Variants in CAST observed in about 807,000 individuals in gnomAD.
CAST encodes calpastatin, also known as MIR583 host.
CAST carries 76 observed loss-of-function variants against 119.6 expected under a neutral mutation model. That is an observed-to-expected ratio of 0.64 (90% CI 0.53 to 0.77). CAST has a LOEUF of 0.77. Among genes scored for constraint, CAST ranks in the 30% least tolerant of loss-of-function variants. The probability of loss-of-function intolerance (pLI) is 0.00; values close to 1 mark genes in which losing one functional copy is unlikely to be tolerated. For synonymous variants in CAST, 319 were observed against 331.6 expected (o/e 0.96, Z 0.41); for missense variants, 953 against 946.5 (o/e 1.01, Z -0.09).
At chr5:96,665,318 C>T (rs1233688381) in intron 1 of CAST, among the ~76,000 whole-genome samples, 1 of 152,196 alleles carries the variant, frequency 6.6e-6, no homozygotes, top group Non-Finnish European at 1.5e-5. Context: ...CCTACTATAT[C>T]CCACATATTA....
the CAST span, among the ~76,000 whole-genome samples, chr5:96,489,060 T>C: frequency 6.6e-6 from 1 of 152,226 alleles, no homozygotes; most frequent in Non-Finnish European, 1.5e-5. Flanking sequence ...TCAGAAGAAC[T>C]TGTTACTAGT....
the CAST span, among the ~76,000 whole-genome samples, chr5:96,367,625 G>T: frequency 1.4e-3 from 210 of 152,062 alleles, 4 homozygotes; most frequent in African/African-American, 4.6e-3. Flanking sequence ...CTCCGTGCCA[G>T]GCGCGGGATA....
At chr5:96,711,648 A>G (rs1756181368) in intron 3 of CAST, among the ~76,000 whole-genome samples, 1 of 152,186 alleles carries the variant, frequency 6.6e-6, no homozygotes, top group Non-Finnish European at 1.5e-5. Context: ...AAATAGCAAG[A>G]TTCTATTTGA....
At chr5:96,456,485 G>A in the CAST span, among the ~76,000 whole-genome samples, 1 of 152,030 alleles carries the variant, frequency 6.6e-6, no homozygotes, top group Non-Finnish European at 1.5e-5. Context: ...AAATCTAGAT[G>A]GTTTAACATT....
chr5:96,422,163 CCAGCATTCAATTCT>C, the CAST span, among the ~76,000 whole-genome samples: 3,727 of 152,114 alleles, frequency 0.025, 145 homozygotes, highest in African/African-American at 0.085. Context: ...GCCAGGTGAG[CCAGCATTCAATTCT>C]CAGTGAATGT....
In CAST at chr5:96,765,315, ATAAAG is replaced by A; in HGVS notation, c.2033_2037del (p.Val678GlyfsTer4). ...CCAGATGAGAACAAACCAATGGAAG[ATAAAG>A]TAAAGGTAAAAAAAAAAAAAAAAAA... On this transcript the variant is annotated frameshift_variant, in exon 26 of 32. Coordinates refer to ENST00000675179, the MANE Select transcript of CAST (RefSeq NM_001750.7). LOFTEE classifies it high-confidence loss of function. 1.5e-6 allele frequency: 2 copies of A among 1,300,418 alleles called. No individual in the cohort carries two copies. Among genetic ancestry groups the A allele is most frequent in the Non-Finnish European group, 1.1e-6 (1 of 918,960 alleles). 80.6% of individuals were successfully genotyped at this position (1,300,418 alleles called of 1,614,324 possible).
At chr5:96,642,301 AT>A (rs1288399584) in intron 1 of CAST, among the ~76,000 whole-genome samples, 10 of 152,316 alleles carry the variant, frequency 6.6e-5, no homozygotes, top group African/African-American at 2.4e-4. Context: ...ATGGTACATA[AT>A]ATGTCCTCAA....
At chr5:96,479,686 G>T in the CAST span, among the ~76,000 whole-genome samples, 1 of 152,030 alleles carries the variant, frequency 6.6e-6, no homozygotes, top group Admixed American at 6.6e-5. Flanking sequence ...TTGGCCTCGC[G>T]ATCTGCCCTC....
rs182980696 is a variant in CAST, at chr5:96,557,708, G to A, written c.60+27828G>A. Reference sequence around the variant, plus strand: ...AGGAGCACCCAGATTCATAAACCAAGTCCTTAGAGACCTACAAAGAAACTT... The same window carrying A: ...AGGAGCACCCAGATTCATAAACCAAATCCTTAGAGACCTACAAAGAAACTT... On this transcript the variant is annotated intron_variant, in intron 1 of 11. Coordinates refer to the CAST transcript ENST00000505143. Among the ~76,000 whole-genome samples the A allele has an allele frequency of 3.2e-3, 494 of 152,268 alleles. 2 individuals carry two copies. The highest frequency in any genetic ancestry group is 0.01 in the Middle Eastern group (3 of 294).
chr5:96,489,398 G>A, the CAST span, among the ~76,000 whole-genome samples: 2 of 141,234 alleles, frequency 1.4e-5, no homozygotes, highest in African/African-American at 5.1e-5. Context: ...ACCACAGAGA[G>A]TGATGTCCTC....
chr5:96,160,816 G>A, the CAST span, among the ~76,000 whole-genome samples: 1 of 152,130 alleles, frequency 6.6e-6, no homozygotes, highest in African/African-American at 2.4e-5. Flanking sequence ...GGTGTGAAGT[G>A]GTGTCTATCT....
At chr5:96,201,827 T>C in the CAST span, among the ~76,000 whole-genome samples, 1 of 152,124 alleles carries the variant, frequency 6.6e-6, no homozygotes, top group Non-Finnish European at 1.5e-5. Context: ...TACTTCTTTC[T>C]CCTTGATGCC....
chr5:96,762,439 C>T lies in CAST; in HGVS notation c.1932+67C>T, dbSNP rs2290678. 812 of 1,176,556 alleles carry T rather than the reference C, an allele frequency of 6.9e-4. 8 individuals are homozygous for T. In the East Asian group the frequency reaches 0.019, roughly 28 times the overall value. The allele number at this position is 1,176,556 out of a possible 1,614,324, so 72.9% of individuals were successfully genotyped here. A position where few individuals can be genotyped will look rare whatever the true frequency, so the allele number is the denominator to read the frequency against. On this transcript the variant is annotated intron_variant, in intron 25 of 31. Transcript: ENST00000675179. ...AGCCACAACTAGAAAGAAAATAGGG[C>T]GCCTGTTTAAAGCAAATGAAAATAG...
the CAST span, among the ~76,000 whole-genome samples, chr5:96,091,504 CTT>C: frequency 1.5e-4 from 15 of 98,520 alleles, no homozygotes; most frequent in Non-Finnish European, 1.7e-4. Flanking sequence ...CATGCCTGGC[CTT>C]TTTTTTTTTT....
chr5:96,723,637 A>G (rs1173924529), intron 4 of CAST, among the ~76,000 whole-genome samples: 2 of 152,190 alleles, frequency 1.3e-5, no homozygotes, highest in Non-Finnish European at 2.9e-5. Context: ...TGTTCTGAAG[A>G]GCTGGCTGCA....
chr5:96,287,055 G>T, the CAST span, among the ~76,000 whole-genome samples: 1 of 152,060 alleles, frequency 6.6e-6, no homozygotes, highest in African/African-American at 2.4e-5. Context: ...TAAATTGAGG[G>T]TTGTAGTCAA....
chr5:96,267,952 C>G, the CAST span, among the ~76,000 whole-genome samples: 1 of 152,134 alleles, frequency 6.6e-6, no homozygotes, highest in Admixed American at 6.6e-5. Context: ...ATAGAGGTTT[C>G]TTCCTTTTTT....
chr5:96,099,301 T>A, the CAST span, among the ~76,000 whole-genome samples: 1 of 152,216 alleles, frequency 6.6e-6, no homozygotes, highest in South Asian at 2.1e-4. Context: ...TCTTCCTGTT[T>A]GGATGCCCTT....
the CAST span, among the ~76,000 whole-genome samples, chr5:96,228,222 G>A: frequency 1.3e-5 from 2 of 152,048 alleles, no homozygotes; most frequent in African/African-American, 4.8e-5. Context: ...TACCAAATCT[G>A]GAACATCCTA....
Sources: allele counts gnomAD v4.1 joint callset (sites outside exome capture counted in the v4.1 genomes callset), GRCh38; gene constraint gnomAD v4.1.1; transcripts MANE v1.5; gene names NCBI Gene and HGNC (gene_info 2026-07-23, HGNC 2026-07-21).